RBFOX1: variants seen among roughly 807,000 people sequenced by gnomAD.
The protein encoded by RBFOX1 is RNA binding fox-1 homolog 1.
A neutral mutation model predicts 57.7 loss-of-function variants in RBFOX1; 8 were observed. The ratio of observed to expected loss-of-function variants is 0.14; its 90% CI spans 0.08 to 0.25. RBFOX1 has a LOEUF of 0.25. RBFOX1 is among the 10% of genes least tolerant of loss of function. The pLI is 1.00. For missense variants in RBFOX1, 611 were observed against 548.5 expected, an observed-to-expected ratio of 1.11 and a Z score of -1.14; for synonymous variants, 326 against 222.4, an observed-to-expected ratio of 1.47 and a Z score of -4.15.
chr16:6,930,338 C>G (rs990062326), intron 3 of RBFOX1, among the ~76,000 whole-genome samples: 18 of 152,162 alleles, frequency 1.2e-4, no homozygotes, highest in Non-Finnish European at 2.4e-4. Context: ...CCTAACATCA[C>G]TAATCTCTAG....
At chr16:6,769,253 A>T (rs1333880771) in intron 3 of RBFOX1, among the ~76,000 whole-genome samples, 2 of 152,152 alleles carry the variant, frequency 1.3e-5, no homozygotes, top group Non-Finnish European at 2.9e-5. Flanking sequence ...GCCTGCTGCC[A>T]TCGATGTAAG....
chr16:5,770,722 A>G (rs961707855), intron 3 of RBFOX1, among the ~76,000 whole-genome samples: 2 of 152,124 alleles, frequency 1.3e-5, no homozygotes, highest in Admixed American at 6.5e-5. Context: ...GCTCGCCTGC[A>G]TCAAACTGAT....
chr16:6,333,883 G>C (rs1214833024), intron 2 of RBFOX1, among the ~76,000 whole-genome samples: 1 of 152,090 alleles, frequency 6.6e-6, no homozygotes, highest in Non-Finnish European at 1.5e-5. Flanking sequence ...ATTAGTTGAA[G>C]AAATCAAAAG....
chr16:5,255,537 C>G (rs1035725729), intron 1 of RBFOX1, among the ~76,000 whole-genome samples: 11 of 151,898 alleles, frequency 7.2e-5, no homozygotes, highest in Non-Finnish European at 1.5e-4. Flanking sequence ...TCCACCCATT[C>G]ACTCATCTAA....
chr16:7,369,441 T>C (rs1332126710), intron 4 of RBFOX1, among the ~76,000 whole-genome samples: 1 of 152,140 alleles, frequency 6.6e-6, no homozygotes, highest in Non-Finnish European at 1.5e-5. Context: ...TCTGTTTGGA[T>C]GGATATGTTC....
At chr16:5,299,107 C>A (rs553323036) in intron 1 of RBFOX1, among the ~76,000 whole-genome samples, 13 of 151,210 alleles carry the variant, frequency 8.6e-5, no homozygotes, top group African/African-American at 2.7e-4. Context: ...CCAGGGGCAA[C>A]CACTGTTCTA....
chr16:7,094,279 G>T (rs1228087690), intron 4 of RBFOX1, among the ~76,000 whole-genome samples: 4 of 152,060 alleles, frequency 2.6e-5, no homozygotes, highest in Admixed American at 6.5e-5. Flanking sequence ...ATACCAACAA[G>T]ATAATTTCGG....
chr16:7,178,748 C>T (rs1248614183), intron 4 of RBFOX1, among the ~76,000 whole-genome samples: 1 of 152,086 alleles, frequency 6.6e-6, no homozygotes, highest in Non-Finnish European at 1.5e-5. Flanking sequence ...TATTGCTGTC[C>T]TAAAAAGTCA....
chr16:6,090,540 A>G (rs1365394283), intron 1 of RBFOX1, among the ~76,000 whole-genome samples: 3 of 152,236 alleles, frequency 2.0e-5, no homozygotes, highest in East Asian at 1.9e-4. Flanking sequence ...TTGGTCCCCA[A>G]TTAATGATCA....
At chr16:5,412,976 G>A (rs532117852) in intron 1 of RBFOX1, among the ~76,000 whole-genome samples, 1 of 152,212 alleles carries the variant, frequency 6.6e-6, no homozygotes, top group Non-Finnish European at 1.5e-5. Context: ...AAGGACGCAG[G>A]TGGGGTGGAG....
At chr16:6,652,050 A>G (rs978563952) in intron 2 of RBFOX1, among the ~76,000 whole-genome samples, 1 of 152,182 alleles carries the variant, frequency 6.6e-6, no homozygotes, top group Non-Finnish European at 1.5e-5. Context: ...CTGAAGTCGT[A>G]ACTTCCAATG....
At chr16:6,133,764 C>T (rs887067559) in intron 1 of RBFOX1, among the ~76,000 whole-genome samples, 4 of 152,014 alleles carry the variant, frequency 2.6e-5, no homozygotes, top group Non-Finnish European at 5.9e-5. Flanking sequence ...TGAAACACAC[C>T]CTGGTCTATC....
chr16:5,744,850 C>T (rs768135786), intron 3 of RBFOX1, among the ~76,000 whole-genome samples: 36 of 152,242 alleles, frequency 2.4e-4, no homozygotes, highest in African/African-American at 8.2e-4. Flanking sequence ...TTCTGCCTCC[C>T]GGGTTCAAAC....
intron 3 of RBFOX1, among the ~76,000 whole-genome samples, chr16:5,636,932 C>T (rs1047963449): frequency 5.3e-5 from 8 of 152,136 alleles, no homozygotes; most frequent in African/African-American, 1.9e-4. Flanking sequence ...AGCCTGCTGG[C>T]CTTGGGAGCC....
intron 1 of RBFOX1, among the ~76,000 whole-genome samples, chr16:6,060,121 GGTTTTTTTTT>G (rs2095664136): frequency 2.7e-5 from 2 of 74,836 alleles, no homozygotes; most frequent in African/African-American, 5.6e-5. Context: ...TTAGGATTAG[GGTTTTTTTTT>G]TTTTTTTTTT....
intron 3 of RBFOX1, among the ~76,000 whole-genome samples, chr16:6,940,082 C>T (rs960925878): frequency 2.6e-5 from 4 of 152,150 alleles, no homozygotes; most frequent in Admixed American, 1.3e-4. Context: ...ATCCCAGTTA[C>T]TTGGGAGGCT....
intron 2 of RBFOX1, among the ~76,000 whole-genome samples, chr16:6,560,298 A>G (rs1196246350): frequency 1.3e-5 from 2 of 151,374 alleles, no homozygotes; most frequent in African/African-American, 4.8e-5. Flanking sequence ...TGCTATGGAA[A>G]AAAGAAAACC....
chr16:5,364,110 G>T (rs753627394), intron 1 of RBFOX1, among the ~76,000 whole-genome samples: 2 of 152,200 alleles, frequency 1.3e-5, no homozygotes, highest in Non-Finnish European at 2.9e-5. Flanking sequence ...TAATTAGGAA[G>T]GTGTCAAAGG....
chr16:6,389,759 G>T (rs777283592), intron 2 of RBFOX1, among the ~76,000 whole-genome samples: 1 of 152,198 alleles, frequency 6.6e-6, no homozygotes, highest in Non-Finnish European at 1.5e-5. Context: ...GGGCCAGAGA[G>T]GTTCAGGGAC....
Sources: gnomAD v4.1 joint callset for allele counts (sites outside exome capture counted in the v4.1 genomes callset) on GRCh38, gnomAD v4.1.1 for gene constraint, MANE v1.5 for transcripts, NCBI Gene and HGNC (gene_info 2026-07-23, HGNC 2026-07-21) for gene names.